MAGI2: variants seen among roughly 807,000 people sequenced by gnomAD.
The protein encoded by MAGI2 is membrane associated guanylate kinase, WW and PDZ domain containing 2, also known as membrane-associated guanylate kinase, WW and PDZ domain-containing protein 2.
A neutral mutation model predicts 133.3 loss-of-function variants in MAGI2; 35 were observed. The observed-to-expected ratio is 0.26, with a 90% CI of 0.20 to 0.35. MAGI2 has a LOEUF of 0.35. MAGI2 is among the 10% of genes least tolerant of loss of function. The pLI is 1.00. For synonymous variants in MAGI2, 729 were observed against 710.6 expected (o/e 1.03, Z -0.41); for missense variants, 1,636 against 1,863.4 (o/e 0.88, Z 2.25).
intron 3 of MAGI2, among the ~76,000 whole-genome samples, chr7:78,540,088 G>A (rs1798284354): frequency 6.6e-6 from 1 of 152,200 alleles, no homozygotes; most frequent in South Asian, 2.1e-4. Context: ...CTTGCCCTTA[G>A]GTTGCCTGGA....
At chr7:79,331,946 TAA>T (rs56251920) in intron 1 of MAGI2, among the ~76,000 whole-genome samples, 4,667 of 146,246 alleles carry the variant, frequency 0.032, 257 homozygotes, top group African/African-American at 0.12. Context: ...TAAAGTATAA[TAA>T]AAAAAAAAAG....
At chr7:78,135,495 G>T (rs1379818252) in intron 16 of MAGI2, among the ~76,000 whole-genome samples, 1 of 152,130 alleles carries the variant, frequency 6.6e-6, no homozygotes, top group Non-Finnish European at 1.5e-5. Flanking sequence ...AGCTATTTGG[G>T]CCTTACTGGG....
At chr7:78,641,497 C>T (rs554172446) in intron 2 of MAGI2, among the ~76,000 whole-genome samples, 6 of 152,196 alleles carry the variant, frequency 3.9e-5, no homozygotes, top group African/African-American at 1.4e-4. Context: ...AGATTTAACC[C>T]GTAAGAAGTC....
chr7:78,499,485 T>TGAC (rs1461039206), intron 5 of MAGI2, among the ~76,000 whole-genome samples: 40 of 152,198 alleles, frequency 2.6e-4, no homozygotes, highest in African/African-American at 9.2e-4. Flanking sequence ...ACTGGCTGAC[T>TGAC]GACGAGTCAT....
At chr7:78,510,143 C>CT (rs1264551981) in intron 4 of MAGI2, among the ~76,000 whole-genome samples, 1 of 152,096 alleles carries the variant, frequency 6.6e-6, no homozygotes, top group East Asian at 1.9e-4. Flanking sequence ...GAAATGTAAA[C>CT]TTTTTTTACG....
chr7:79,106,944 A>G (rs1818499776), intron 1 of MAGI2, among the ~76,000 whole-genome samples: 1 of 152,186 alleles, frequency 6.6e-6, no homozygotes, highest in Non-Finnish European at 1.5e-5. Context: ...CTGTACCAGC[A>G]TTTCTCAAAA....
rs544134953 is a variant in MAGI2, at chr7:79,025,526, T to C, written c.302-18320A>G. Among the ~76,000 whole-genome samples the C allele has an allele frequency of 2.0e-3, 304 of 152,236 alleles. 1 individual carries two copies. Among genetic ancestry groups the C allele is most frequent in the Non-Finnish European group, 3.5e-3 (236 of 68,012 alleles). On this transcript the variant is annotated intron_variant, in intron 1 of 21. Transcript: ENST00000354212. ...TAAGTTTTTTTAAAAAGGAATAGAA[T>C]GTGTGTTTGTGTGCATGCATGCATG...
intron 1 of MAGI2, among the ~76,000 whole-genome samples, chr7:79,151,474 A>G (rs139110338): frequency 2.3e-3 from 349 of 152,258 alleles, no homozygotes; most frequent in African/African-American, 7.7e-3. Flanking sequence ...TCTCCAGTTT[A>G]CATTAAATAT....
At chr7:78,812,232 T>C (rs1288645335) in intron 2 of MAGI2, among the ~76,000 whole-genome samples, 2 of 152,224 alleles carry the variant, frequency 1.3e-5, no homozygotes, top group African/African-American at 4.8e-5. Flanking sequence ...AAAAAAATTA[T>C]GTTTTTAAGC....
At chr7:78,683,545 C>T (rs1815927437) in intron 2 of MAGI2, among the ~76,000 whole-genome samples, 1 of 152,148 alleles carries the variant, frequency 6.6e-6, no homozygotes, top group Admixed American at 6.6e-5. Context: ...TCATTGTTGT[C>T]CAGCCATCCT....
intron 5 of MAGI2, among the ~76,000 whole-genome samples, chr7:78,495,659 G>C (rs1247254646): frequency 6.6e-6 from 1 of 152,256 alleles, no homozygotes; most frequent in South Asian, 2.1e-4. Flanking sequence ...TACTGTCAAT[G>C]AGTTCTTTAG....
chr7:79,011,783 G>A (rs761333557), intron 1 of MAGI2, among the ~76,000 whole-genome samples: 26 of 152,052 alleles, frequency 1.7e-4, no homozygotes, highest in Middle Eastern at 3.4e-3. Context: ...AAAATACTGT[G>A]GTGAATATTT....
chr7:79,378,926 GTATATATATATATATA>G lies in MAGI2; in HGVS notation c.301+74078_301+74093del, dbSNP rs59388508. ...CTTTTATATATATATATGTGTGTGTGTATATATATATATATATATATATATATATATATATATATAT... is the reference window on the plus strand; with the variant it reads ...CTTTTATATATATATATGTGTGTGTGTATATATATATATATATATATATAT... On this transcript the variant is annotated intron_variant, in intron 1 of 21. Coordinates refer to ENST00000354212, the MANE Select transcript of MAGI2 (RefSeq NM_012301.4). Among the ~76,000 whole-genome samples the G allele has an allele frequency of 1.0e-3, 97 of 94,614 alleles. 1 individual carries two copies. The highest frequency in any genetic ancestry group is 2.8e-3 in the South Asian group (8 of 2,884). 62.1% of individuals were successfully genotyped at this position (94,614 alleles called of 152,430 possible).
intron 2 of MAGI2, among the ~76,000 whole-genome samples, chr7:78,663,890 G>A (rs1813253598): frequency 1.3e-5 from 2 of 152,100 alleles, no homozygotes; most frequent in Non-Finnish European, 2.9e-5. Flanking sequence ...AATTTATTCT[G>A]ATATTCCTAA....
At position 78,689,118 on chromosome 7, in the gene MAGI2, C is replaced by A. The variant is rs185941903; in HGVS notation, c.419-61879G>T. ...CTTTCACAATACAAAGCAGTGTTAA[C>A]CATAATTTGTGGAATTAGAGATTGA... On this transcript the variant is annotated intron_variant, in intron 2 of 21. Coordinates refer to ENST00000354212, the MANE Select transcript of MAGI2 (RefSeq NM_012301.4). 2.2e-3 allele frequency among the ~76,000 whole-genome samples: 333 copies of A among 152,180 alleles called. 2 individuals are homozygous for A. The highest frequency in any genetic ancestry group is 7.6e-3 in the African/African-American group (315 of 41,526).
intron 2 of MAGI2, among the ~76,000 whole-genome samples, chr7:78,743,276 G>A (rs1822601460): frequency 6.6e-6 from 1 of 152,134 alleles, no homozygotes; most frequent in African/African-American, 2.4e-5. Context: ...AGGAACTACT[G>A]TTTAATAAAA....
In MAGI2 at chr7:79,263,186, G is replaced by C. The variant is rs1834199608; in HGVS notation, c.301+189834C>G. On this transcript the variant is annotated intron_variant, in intron 1 of 21. Coordinates refer to ENST00000354212, the MANE Select transcript of MAGI2 (RefSeq NM_012301.4). The stretch of plus-strand genomic sequence containing the variant: ...GTATATGTCAATCCCCTATGAATCT[G>C]CCTCTGTAACACCTAATTATTAATA... Among the ~76,000 whole-genome samples, 3 of 152,056 alleles carry C rather than the reference G, an allele frequency of 2.0e-5. No individual in the cohort carries two copies. The South Asian group carries it at 6.2e-4, about 32-fold the overall frequency.
At chr7:79,261,959 C>T (rs953630968) in intron 1 of MAGI2, among the ~76,000 whole-genome samples, 1 of 152,134 alleles carries the variant, frequency 6.6e-6, no homozygotes, top group East Asian at 1.9e-4. Flanking sequence ...CATGAAATTC[C>T]ACTTCAATCA....
intron 1 of MAGI2, among the ~76,000 whole-genome samples, chr7:79,080,826 C>T (rs1238573634): frequency 1.3e-5 from 2 of 152,076 alleles, no homozygotes; most frequent in African/African-American, 2.4e-5. Context: ...CTATCAGTTA[C>T]CACACTGGTC....
Sources: gnomAD v4.1 joint callset for allele counts (sites outside exome capture counted in the v4.1 genomes callset) on GRCh38, gnomAD v4.1.1 for gene constraint, MANE v1.5 for transcripts, NCBI Gene and HGNC (gene_info 2026-07-23, HGNC 2026-07-21) for gene names.